Variants in ERAP1 observed in about 807,000 individuals in gnomAD.
ERAP1 encodes the protein endoplasmic reticulum aminopeptidase 1.
In ERAP1, 86 loss-of-function variants were observed where a neutral mutation model predicts 103.7. The ratio of observed to expected loss-of-function variants is 0.83; its 90% CI spans 0.70 to 0.99. The LOEUF is 0.99. ERAP1 is among the 50% of genes least tolerant of loss of function. The pLI, the probability that ERAP1 is intolerant of heterozygous loss-of-function variation, is 0.00. For synonymous variants in ERAP1, 398 were observed against 402.4 expected, an observed-to-expected ratio of 0.99 and a Z score of 0.13; for missense variants, 1,009 against 1,128.4, an observed-to-expected ratio of 0.89 and a Z score of 1.52.
chr5:96,883,214 G>C, the ERAP1 span, among the ~76,000 whole-genome samples: 1 of 152,126 alleles, frequency 6.6e-6, no homozygotes, highest in African/African-American at 2.4e-5. Context: ...TGGGAATCAG[G>C]CTGATGCTGG....
At chr5:96,762,278 T>G (rs1768263550) in exon 20 of ERAP1, 1 of 1,601,906 alleles carries the variant, frequency 6.2e-7, no homozygotes, top group East Asian at 2.2e-5. Flanking sequence ...TAAAAGAAAT[T>G]TGAAGATGCT....
intron 11 of ERAP1, among the ~76,000 whole-genome samples, chr5:96,787,826 G>A (rs865884607): frequency 9.4e-6 from 1 of 106,950 alleles, no homozygotes; most frequent in Non-Finnish European, 2.0e-5. Flanking sequence ...ACATATATAT[G>A]TATATATACA....
intron 19 of ERAP1, chr5:96,765,922 T>A (rs1424368939): frequency 1.7e-6 from 1 of 597,386 alleles, no homozygotes; most frequent in African/African-American, 1.9e-5. Flanking sequence ...TTCTGTTGCT[T>A]AAAAAATAAA....
chr5:96,826,400 A>G, the ERAP1 span, among the ~76,000 whole-genome samples: 1 of 152,292 alleles, frequency 6.6e-6, no homozygotes, highest in East Asian at 1.9e-4. Context: ...AGATAATTAC[A>G]CTTGTCTATT....
the ERAP1 span, among the ~76,000 whole-genome samples, chr5:96,815,150 A>C: frequency 3.9e-5 from 6 of 152,238 alleles, no homozygotes; most frequent in Non-Finnish European, 7.3e-5. Flanking sequence ...ACTTCAGTTA[A>C]ATTAGCAAGA....
At chr5:96,843,690 A>G in the ERAP1 span, among the ~76,000 whole-genome samples, 1 of 152,114 alleles carries the variant, frequency 6.6e-6, no homozygotes, top group East Asian at 1.9e-4. Flanking sequence ...AGAAACTCAG[A>G]CACCCACCAA....
rs182387458 is a variant in ERAP1, at chr5:96,796,883, C to T, written c.798+292G>A. On this transcript the variant is annotated intron_variant, in intron 4 of 18. Coordinates refer to ENST00000443439, the MANE Select transcript of ERAP1 (RefSeq NM_001040458.3). Reference sequence around the variant, plus strand: ...TCATACCTCATTGAAGCCTCAAACTCCTGGGCTCAAGGGATCCTCCCTAGT... The same window carrying T: ...TCATACCTCATTGAAGCCTCAAACTTCTGGGCTCAAGGGATCCTCCCTAGT... Among the ~76,000 whole-genome samples the T allele has an allele frequency of 1.1e-3, 175 of 152,288 alleles. No individual in the cohort carries two copies. In the Middle Eastern group the frequency reaches 0.014, roughly 12 times the overall value.
rs1164324330 is a variant in ERAP1 at position 96,803,636 on chromosome 5, A to C, written c.291T>G (p.Ser97Arg). ...SQPTSTIILH[S>R]HHLQISRATL... is the part of the protein sequence containing the mutation. ...TGGCCCTAGATATCTGCAGGTGGTG[A>C]CTATGCAGGATGATGGTGCTGGTGG... Residue 97 changes from serine (S) to arginine (R), a missense_variant, in exon 2 of 19, where the codon AGT becomes AGG. By Grantham distance (110) the Ser-to-Arg change is moderately radical. This residue lies in a region of ERAP1 where 392 missense variants were observed against 455.2 expected (regional missense o/e 0.86). Coordinates refer to ENST00000443439, the MANE Select transcript of ERAP1 (RefSeq NM_001040458.3). 6.2e-7 allele frequency: 1 copy of C among 1,614,192 alleles called. No homozygotes were observed.
At chr5:96,767,376 C>A in intron 19 of ERAP1, 1 of 1,388,282 alleles carries the variant, frequency 7.2e-7, no homozygotes, top group Non-Finnish European at 1.0e-6. Context: ...TCTCTACTGC[C>A]TAAACCTAAG....
At chr5:96,877,001 G>A in the ERAP1 span, among the ~76,000 whole-genome samples, 3 of 152,068 alleles carry the variant, frequency 2.0e-5, no homozygotes, top group Admixed American at 2.0e-4. Flanking sequence ...TTGAGAGAGA[G>A]CCTCGCTCTG....
chr5:96,831,834 G>C, the ERAP1 span, among the ~76,000 whole-genome samples: 1 of 152,174 alleles, frequency 6.6e-6, no homozygotes, highest in Non-Finnish European at 1.5e-5. Flanking sequence ...CTAGCCCTCT[G>C]CCTTGCCCAT....
At chr5:96,876,947 T>C in the ERAP1 span, among the ~76,000 whole-genome samples, 1 of 152,076 alleles carries the variant, frequency 6.6e-6, no homozygotes, top group Non-Finnish European at 1.5e-5. Context: ...TGTTCCTTCA[T>C]CTGTTTATTT....
At chr5:96,860,393 G>A in the ERAP1 span, among the ~76,000 whole-genome samples, 1 of 152,040 alleles carries the variant, frequency 6.6e-6, no homozygotes, top group African/African-American at 2.4e-5. Context: ...TTCACAGGAT[G>A]TGTATTTATA....
In ERAP1 at chr5:96,775,300, A is replaced by G. The variant is rs192948517; in HGVS notation, c.*1096T>C. The G allele has an allele frequency of 2.0e-6, 2 of 985,460 alleles. No individual in the cohort carries two copies. The highest frequency in any genetic ancestry group is 1.2e-6 in the Non-Finnish European group (1 of 829,890). The allele number at this position is 985,460 out of a possible 1,614,324, so 61.0% of individuals were successfully genotyped here. Reference sequence around the variant, plus strand: ...AGACTTCAAAGCCAAAGAATGTCCTATTTGCTAATATGAGCAAATATTTTG... The same window carrying G: ...AGACTTCAAAGCCAAAGAATGTCCTGTTTGCTAATATGAGCAAATATTTTG... On this transcript the variant is annotated 3_prime_UTR_variant, in exon 19 of 19. Transcript: ENST00000443439.
At chr5:96,828,623 G>A in the ERAP1 span, among the ~76,000 whole-genome samples, 1 of 152,054 alleles carries the variant, frequency 6.6e-6, no homozygotes, top group Non-Finnish European at 1.5e-5. Context: ...AAAAAGAGTG[G>A]GAGATTTTCA....
chr5:96,877,187 C>T, the ERAP1 span, among the ~76,000 whole-genome samples: 1 of 152,114 alleles, frequency 6.6e-6, no homozygotes, highest in Non-Finnish European at 1.5e-5. Context: ...GTTGGTGAGG[C>T]TGGTCTCGAA....
At chr5:96,804,011 AG>A (rs35307952) in intron 1 of ERAP1, 68 bp from the exon 2 acceptor site, 302,140 of 1,545,628 alleles carry the variant, frequency 0.2, 32,036 homozygotes, top group Non-Finnish European at 0.22. Context: ...GCATAATTTC[AG>A]AATGTATCCA....
At chr5:96,798,689 C>T (rs1297981076) in intron 3 of ERAP1, among the ~76,000 whole-genome samples, 12 of 151,648 alleles carry the variant, frequency 7.9e-5, no homozygotes, top group Non-Finnish European at 1.5e-4. Context: ...GTTAGGATTA[C>T]AACCATAAGC....
chr5:96,888,353 C>T, the ERAP1 span, among the ~76,000 whole-genome samples: 2 of 152,128 alleles, frequency 1.3e-5, no homozygotes, highest in African/African-American at 4.8e-5. Context: ...CTGTCAGCCT[C>T]TTTGGATTCA....
Sources: allele counts gnomAD v4.1 joint callset (sites outside exome capture counted in the v4.1 genomes callset), GRCh38; gene constraint gnomAD v4.1.1; regional missense constraint gnomAD v4.1.1; transcripts MANE v1.5; gene names NCBI Gene and HGNC (gene_info 2026-07-23, HGNC 2026-07-21).